SGCD: variants seen among roughly 807,000 people sequenced by gnomAD.
The protein encoded by SGCD is delta-sarcoglycan.
Under a neutral mutation model 36.6 loss-of-function variants are expected in SGCD, and 18 were observed. The observed-to-expected ratio is 0.49, with a 90% CI of 0.34 to 0.73. SGCD has a LOEUF of 0.73. Ranked by LOEUF, SGCD falls within the 30% of genes least tolerant of loss-of-function variation. SGCD has a pLI of 0.01. For synonymous variants in SGCD, 133 were observed against 130.6 expected (o/e 1.02, Z -0.12); for missense variants, 387 against 346.7 (o/e 1.12, Z -0.92).
intron 3 of SGCD, among the ~76,000 whole-genome samples, chr5:156,421,167 A>G (rs1477622384): frequency 6.6e-6 from 1 of 152,144 alleles, no homozygotes; most frequent in Non-Finnish European, 1.5e-5. Context: ...AAAGGCACAA[A>G]GAAAGTATAT....
intron 1 of SGCD, among the ~76,000 whole-genome samples, chr5:156,091,723 A>C (rs1761249186): frequency 6.6e-6 from 1 of 152,228 alleles, no homozygotes; most frequent in African/African-American, 2.4e-5. Context: ...TTGCATCATC[A>C]AAGAAGATGG....
rs189856942 is a variant in SGCD, at chr5:156,147,976, A to G, written c.-44+23957A>G. Among the ~76,000 whole-genome samples the G allele has an allele frequency of 1.5e-4, 23 of 152,342 alleles. No homozygotes were observed. The East Asian group carries it at 4.2e-3, about 28-fold the overall frequency. On this transcript the variant is annotated intron_variant, in intron 3 of 9. Transcript: ENST00000517913. ...GAGAAAGTGTCCTTCTGCTTATTTCATTCCTGGGGCTAGAAAAGCTAAGAA... is the reference window on the plus strand; with the variant it reads ...GAGAAAGTGTCCTTCTGCTTATTTCGTTCCTGGGGCTAGAAAAGCTAAGAA...
chr5:155,974,922 T>A (rs888699712), intron 1 of SGCD, among the ~76,000 whole-genome samples: 6 of 152,078 alleles, frequency 3.9e-5, no homozygotes, highest in Non-Finnish European at 7.4e-5. Flanking sequence ...TCTCTTCTTT[T>A]CCTTTCTGCC....
chr5:156,217,409 G>A (rs1764603414), intron 3 of SGCD, among the ~76,000 whole-genome samples: 2 of 152,152 alleles, frequency 1.3e-5, no homozygotes, highest in Admixed American at 1.3e-4. Flanking sequence ...TCACCAAGGA[G>A]TTATACTAGC....
chr5:156,608,892 G>C (rs1339774580), intron 6 of SGCD, among the ~76,000 whole-genome samples: 17 of 151,806 alleles, frequency 1.1e-4, no homozygotes, highest in African/African-American at 4.1e-4. Context: ...TTTTCCATTT[G>C]CTTGGTAGAT....
intron 3 of SGCD, among the ~76,000 whole-genome samples, chr5:156,438,238 C>T (rs548867148): frequency 6.6e-5 from 10 of 152,252 alleles, no homozygotes; most frequent in African/African-American, 2.2e-4. Flanking sequence ...GTAGTAATAA[C>T]CTGCTGTAAA....
chr5:156,542,283 A>T (rs899102989), intron 4 of SGCD, among the ~76,000 whole-genome samples: 2 of 152,138 alleles, frequency 1.3e-5, no homozygotes, highest in Non-Finnish European at 2.9e-5. Flanking sequence ...TGGACAAAGC[A>T]CACTATTTTC....
At position 155,886,908 on chromosome 5, in the gene SGCD, G is replaced by A. The variant is rs545488942; in HGVS notation, c.-282+16484G>A. ...AGCGCTGTGGTTCAGAACCACATTGGGCATGCCAGCTGCAGATTTCCCAAA... is the reference window on the plus strand; with the variant it reads ...AGCGCTGTGGTTCAGAACCACATTGAGCATGCCAGCTGCAGATTTCCCAAA... On this transcript the variant is annotated intron_variant, in intron 1 of 9. Transcript: ENST00000517913. Among the ~76,000 whole-genome samples, 189 of 152,284 alleles carry A rather than the reference G, an allele frequency of 1.2e-3. 1 individual carries two copies. Among genetic ancestry groups the A allele is most frequent in the Non-Finnish European group, 2.0e-3 (133 of 68,012 alleles).
chr5:156,000,916 C>A (rs1435437495), intron 1 of SGCD, among the ~76,000 whole-genome samples: 4 of 152,118 alleles, frequency 2.6e-5, no homozygotes, highest in Admixed American at 6.5e-5. Context: ...TGCTGCTGAT[C>A]CAGGGACCAC....
chr5:156,471,715 ATTATCT>A (rs1358563123), intron 3 of SGCD, among the ~76,000 whole-genome samples: 4 of 152,096 alleles, frequency 2.6e-5, no homozygotes, highest in Non-Finnish European at 5.9e-5. Context: ...ACATAAAGAG[ATTATCT>A]TTATAAGTTT....
chr5:156,457,531 T>A (rs1754312338), intron 3 of SGCD, among the ~76,000 whole-genome samples: 1 of 152,336 alleles, frequency 6.6e-6, no homozygotes, highest in South Asian at 2.1e-4. Flanking sequence ...GGATATTTAG[T>A]GAAGCACCAA....
In SGCD at chr5:156,444,757, A is replaced by C. The variant is rs1046837661; in HGVS notation, c.193-63844A>C. ...TAATGAATGAAGGACATTCAGCATG[A>C]AAATGTATCTATCTATCCACTGTAA... On this transcript the variant is annotated intron_variant, in intron 3 of 8. Transcript: ENST00000337851. Among the ~76,000 whole-genome samples, 38 of 152,158 alleles carry C rather than the reference A, an allele frequency of 2.5e-4. 1 individual carries two copies. Among genetic ancestry groups the C allele is most frequent in the Non-Finnish European group, 4.4e-5 (3 of 68,022 alleles).
chr5:155,746,195 G>A, the SGCD span, among the ~76,000 whole-genome samples: 1 of 152,134 alleles, frequency 6.6e-6, no homozygotes, highest in African/African-American at 2.4e-5. Flanking sequence ...ATGAACATTA[G>A]GATCAAAATA....
intron 1 of SGCD, among the ~76,000 whole-genome samples, chr5:156,060,254 C>T (rs1760169499): frequency 6.9e-6 from 1 of 145,886 alleles, no homozygotes; most frequent in Admixed American, 6.9e-5. Flanking sequence ...ACTGAGAGAG[C>T]CTTGAATGCC....
intron 3 of SGCD, among the ~76,000 whole-genome samples, chr5:156,213,577 C>G (rs1764502455): frequency 6.6e-6 from 1 of 151,938 alleles, no homozygotes; most frequent in African/African-American, 2.4e-5. Context: ...CTACCTCTTT[C>G]AAAAAAGCTG....
At chr5:155,748,289 ACT>A in the SGCD span, among the ~76,000 whole-genome samples, 1 of 148,686 alleles carries the variant, frequency 6.7e-6, no homozygotes. Flanking sequence ...CTTCTGATTG[ACT>A]CTCTCTCTTT....
intron 8 of SGCD, among the ~76,000 whole-genome samples, chr5:156,758,902 T>C (rs1757439110): frequency 6.6e-6 from 1 of 152,214 alleles, no homozygotes; most frequent in Admixed American, 6.5e-5. Context: ...GGAAGTCCCA[T>C]AGTAAAGAAA....
At chr5:156,390,202 C>G (rs1478453858) in intron 3 of SGCD, among the ~76,000 whole-genome samples, 1 of 112,894 alleles carries the variant, frequency 8.9e-6, no homozygotes. Context: ...AGAGTCTATG[C>G]CTTCTGTTTA....
chr5:156,546,977 G>T lies in SGCD; in HGVS notation c.294+38275G>T, dbSNP rs140803508. 6.6e-3 allele frequency among the ~76,000 whole-genome samples: 999 copies of T among 152,214 alleles called. 10 individuals are homozygous for T. The highest frequency in any genetic ancestry group is 0.011 in the Admixed American group (165 of 15,284). On this transcript the variant is annotated intron_variant, in intron 4 of 8. Coordinates refer to ENST00000337851, the MANE Select transcript of SGCD (RefSeq NM_000337.6). ...CACTGGATTTCAAGTAAGAAAAATT[G>T]AACTGTTACAATTCTTTTATTGAAA...
Sources: gnomAD v4.1 joint callset for allele counts (sites outside exome capture counted in the v4.1 genomes callset) on GRCh38, gnomAD v4.1.1 for gene constraint, MANE v1.5 for transcripts, NCBI Gene and HGNC (gene_info 2026-07-23, HGNC 2026-07-21) for gene names.